LTBP1: variants seen among roughly 807,000 people sequenced by gnomAD.
The protein encoded by LTBP1 is latent-transforming growth factor beta-binding protein 1.
A neutral mutation model predicts 207.6 loss-of-function variants in LTBP1; 129 were observed. The observed-to-expected ratio is 0.62, with a 90% CI of 0.54 to 0.72. LTBP1 has a LOEUF of 0.72. LTBP1 is among the 30% of genes least tolerant of loss of function. The pLI is 0.00. For missense variants in LTBP1, 2,281 were observed against 2,217.2 expected (o/e 1.03, Z -0.58); for synonymous variants, 963 against 833.7 (o/e 1.16, Z -2.67).
At chr2:33,044,138 T>A (rs984265357) in intron 3 of LTBP1, among the ~76,000 whole-genome samples, 41 of 148,978 alleles carry the variant, frequency 2.8e-4, no homozygotes, top group East Asian at 8.0e-4. Flanking sequence ...TTTTTTTTTT[T>A]AATTATACTT....
chr2:33,099,270 AG>A (rs1023586019), intron 3 of LTBP1, among the ~76,000 whole-genome samples: 12 of 152,358 alleles, frequency 7.9e-5, no homozygotes, highest in Admixed American at 6.5e-4. Flanking sequence ...CAATTGTAAT[AG>A]AAAAAAAACA....
chr2:33,262,832 T>C lies in LTBP1; in HGVS notation c.2518+11T>C, dbSNP rs1188694360. 1.3e-6 allele frequency: 2 copies of C among 1,582,608 alleles called. No homozygotes were observed. Among genetic ancestry groups the C allele is most frequent in the African/African-American group, 1.4e-5 (1 of 73,820 alleles). ...ATCCACAGTTTCCAGGTAGCCTGTG[T>C]TGATCTGTGCTGTTTGTCAGAGTAT... On this transcript the variant is annotated intron_variant, in intron 14 of 33. Coordinates refer to ENST00000404816, the MANE Select transcript of LTBP1 (RefSeq NM_206943.4).
At chr2:33,004,816 A>ATATATATATATATATAG (rs1558501569) in intron 2 of LTBP1, among the ~76,000 whole-genome samples, 2 of 72,042 alleles carry the variant, frequency 2.8e-5, no homozygotes, top group African/African-American at 4.0e-5. Context: ...TATATATATA[A>ATATATATATATATATAG]ACATAAAATT....
chr2:33,150,311 G>A (rs2150971918), intron 5 of LTBP1, among the ~76,000 whole-genome samples: 1 of 152,086 alleles, frequency 6.6e-6, no homozygotes, highest in Admixed American at 6.6e-5. Context: ...CGGTGTGTAG[G>A]GGGGTTATAT....
At chr2:33,349,969 C>T (rs1324798257) in intron 26 of LTBP1, among the ~76,000 whole-genome samples, 1 of 152,156 alleles carries the variant, frequency 6.6e-6, no homozygotes, top group East Asian at 1.9e-4. Flanking sequence ...TGAGCATCAG[C>T]AGTGATATTT....
At position 33,130,868 on chromosome 2, in the gene LTBP1, A is replaced by G. The variant is rs184017146; in HGVS notation, c.1034-3925A>G. 2.6e-5 allele frequency among the ~76,000 whole-genome samples: 4 copies of G among 152,272 alleles called. No homozygotes were observed. In the East Asian group the frequency reaches 7.7e-4, roughly 29 times the overall value. The stretch of plus-strand genomic sequence containing the variant: ...TGCTTGCTTAAGATTTTGGGGGCTG[A>G]TTCACCTAAAGGGATCTAAAAATTG... On this transcript the variant is annotated intron_variant, in intron 4 of 33. Coordinates refer to ENST00000404816, the MANE Select transcript of LTBP1 (RefSeq NM_206943.4).
intron 3 of LTBP1, among the ~76,000 whole-genome samples, chr2:33,067,775 A>C (rs2077593842): frequency 6.6e-6 from 1 of 152,174 alleles, no homozygotes; most frequent in Non-Finnish European, 1.5e-5. Flanking sequence ...TTGGAATCTG[A>C]GGGAGGTCCT....
At chr2:33,371,711 C>T (rs1021060700) in intron 31 of LTBP1, among the ~76,000 whole-genome samples, 1 of 152,158 alleles carries the variant, frequency 6.6e-6, no homozygotes, top group East Asian at 1.9e-4. Flanking sequence ...GCATTTTCAA[C>T]ATGTTTTCCA....
At chr2:33,338,371 A>G (rs2094576962) in intron 24 of LTBP1, among the ~76,000 whole-genome samples, 2 of 152,222 alleles carry the variant, frequency 1.3e-5, no homozygotes, top group African/African-American at 4.8e-5. Flanking sequence ...CTATAATTGC[A>G]TAGAATTAAT....
At position 33,360,738 on chromosome 2, in the gene LTBP1, G is replaced by C; in HGVS notation, c.4142G>C (p.Gly1381Ala). The C allele has an allele frequency of 6.2e-7, 1 of 1,614,002 alleles. No homozygotes were observed. Among genetic ancestry groups the C allele is most frequent in the Non-Finnish European group, 8.5e-7 (1 of 1,179,892 alleles). Reference protein sequence around the residue: ...ECCCTSGVGWGDNCEIFPCPV... With the variant: ...ECCCTSGVGWADNCEIFPCPV... ...TGCTGTACATCAGGCGTGGGATGGG[G>C]AGATAACTGCGAAATCTTCCCCTGC... The change falls in exon 27 of 34, where the codon GGA becomes GCA. Residue 1381 changes from glycine (G) to alanine (A), a missense_variant. Physicochemically the swap from Gly to Ala is moderately conservative, Grantham distance 60. Coordinates refer to ENST00000404816, the MANE Select transcript of LTBP1 (RefSeq NM_206943.4).
At chr2:33,199,422 C>G (rs2088954216) in intron 7 of LTBP1, among the ~76,000 whole-genome samples, 1 of 152,116 alleles carries the variant, frequency 6.6e-6, no homozygotes, top group South Asian at 2.1e-4. Context: ...CAAAATTCAA[C>G]AACCCTTCAT....
chr2:33,148,018 T>C (rs929545666), intron 5 of LTBP1, among the ~76,000 whole-genome samples: 1 of 152,238 alleles, frequency 6.6e-6, no homozygotes, highest in Non-Finnish European at 1.5e-5. Context: ...CCAAATCCCA[T>C]AACAGGAGTT....
intron 18 of LTBP1, among the ~76,000 whole-genome samples, chr2:33,276,138 A>G (rs1490920194): frequency 6.6e-6 from 1 of 151,902 alleles, no homozygotes; most frequent in Non-Finnish European, 1.5e-5. Flanking sequence ...TTTCACCTCA[A>G]TATCTGCCTC....
intron 31 of LTBP1, among the ~76,000 whole-genome samples, chr2:33,387,983 G>C (rs180813444): frequency 6.6e-6 from 1 of 152,184 alleles, no homozygotes; most frequent in African/African-American, 2.4e-5. Context: ...GTTGACATCC[G>C]TGGAGCCCCA....
intron 2 of LTBP1, among the ~76,000 whole-genome samples, chr2:33,006,968 T>G (rs1686989391): frequency 6.6e-6 from 1 of 152,226 alleles, no homozygotes; most frequent in African/African-American, 2.4e-5. Context: ...CCTTTTGGCA[T>G]GTCAAAGTCT....
intron 32 of LTBP1, among the ~76,000 whole-genome samples, chr2:33,392,639 C>G (rs1230478148): frequency 1.3e-5 from 2 of 152,140 alleles, no homozygotes; most frequent in Non-Finnish European, 2.9e-5. Context: ...CAGATTTGGA[C>G]CAGAGACTGT....
At chr2:33,200,917 C>T (rs1363115677) in intron 7 of LTBP1, among the ~76,000 whole-genome samples, 10 of 152,124 alleles carry the variant, frequency 6.6e-5, no homozygotes, top group Admixed American at 1.3e-4. Context: ...CAAATCAAAA[C>T]CACAATGAGA....
chr2:33,141,456 C>T (rs142070119), intron 5 of LTBP1, among the ~76,000 whole-genome samples: 171 of 152,298 alleles, frequency 1.1e-3, no homozygotes, highest in African/African-American at 3.6e-3. Context: ...ATTATAAAAA[C>T]ACATTTTAAA....
At chr2:33,160,438 G>A (rs1312600545) in intron 5 of LTBP1, among the ~76,000 whole-genome samples, 4 of 152,160 alleles carry the variant, frequency 2.6e-5, no homozygotes, top group Admixed American at 6.5e-5. Flanking sequence ...TTGTGTCAGC[G>A]TCCTTGGGTG....
Sources: gnomAD v4.1 joint callset for allele counts (sites outside exome capture counted in the v4.1 genomes callset) on GRCh38, gnomAD v4.1.1 for gene constraint, MANE v1.5 for transcripts, NCBI Gene and HGNC (gene_info 2026-07-23, HGNC 2026-07-21) for gene names.